The following GRIA3 variants were observed in gnomAD, a reference collection of about 807,000 sequenced individuals.
GRIA3 encodes glutamate receptor 3.
In GRIA3, 3 loss-of-function variants were observed where a neutral mutation model predicts 63.0. The ratio of observed to expected loss-of-function variants is 0.05; its 90% CI spans 0.02 to 0.12. The LOEUF is 0.12. Ranked by LOEUF, GRIA3 falls within the 10% of genes least tolerant of loss-of-function variation. The pLI is 1.00. For missense variants in GRIA3, 347 were observed against 700.9 expected (o/e 0.50, Z 5.70); for synonymous variants, 274 against 257.9 (o/e 1.06, Z -0.60).
intron 2 of GRIA3, among the ~76,000 whole-genome samples, chrX:123,229,803 G>C (rs1428288437): frequency 9.0e-6 from 1 of 111,485 alleles, no homozygotes; most frequent in African/African-American, 3.3e-5. Context: ...TTAACAGAAA[G>C]ATAATAGCTC....
At chrX:123,437,961 T>C (rs1279337878) in intron 12 of GRIA3, among the ~76,000 whole-genome samples, 1 of 112,189 alleles carries the variant, frequency 8.9e-6, no homozygotes, top group Non-Finnish European at 1.9e-5. Flanking sequence ...AATGGTTTTG[T>C]TATATCACAT....
intron 10 of GRIA3, among the ~76,000 whole-genome samples, chrX:123,413,788 T>TA (rs1488539745): frequency 9.0e-6 from 1 of 110,801 alleles, no homozygotes. Flanking sequence ...GACAGAACCT[T>TA]AAAGAACAAA....
intron 3 of GRIA3, among the ~76,000 whole-genome samples, chrX:123,313,608 A>G (rs921782437): frequency 1.9e-4 from 21 of 111,302 alleles, no homozygotes; most frequent in Non-Finnish European, 4.0e-4. Flanking sequence ...GAACTCAGAA[A>G]TGTTAAGAGG....
chrX:123,471,495 C>G (rs1253739777), intron 13 of GRIA3, among the ~76,000 whole-genome samples: 1 of 111,568 alleles, frequency 9.0e-6, no homozygotes, highest in Non-Finnish European at 1.9e-5. Flanking sequence ...ATGTCCAACA[C>G]CAGAGCTACA....
chrX:123,425,417 T>G (rs911537944), intron 11 of GRIA3, among the ~76,000 whole-genome samples: 4 of 112,072 alleles, frequency 3.6e-5, no homozygotes, highest in Admixed American at 1.9e-4. Context: ...ACACAAGAAG[T>G]GCTCAATAAG....
intron 2 of GRIA3, among the ~76,000 whole-genome samples, chrX:123,188,586 G>C (rs932142093): frequency 9.0e-6 from 1 of 111,021 alleles, no homozygotes; most frequent in Non-Finnish European, 1.9e-5. Context: ...TCCTTCTCTG[G>C]AGACCTAGGG....
intron 3 of GRIA3, among the ~76,000 whole-genome samples, chrX:123,276,841 A>C (rs750854201): frequency 1.8e-4 from 20 of 111,806 alleles, no homozygotes; most frequent in Non-Finnish European, 3.4e-4. Flanking sequence ...TATTAGAGAC[A>C]GTATGGTAAC....
At chrX:123,471,406 T>C (rs1433969089) in intron 13 of GRIA3, among the ~76,000 whole-genome samples, 1 of 112,565 alleles carries the variant, frequency 8.9e-6, no homozygotes, top group Non-Finnish European at 1.9e-5. Flanking sequence ...ACATGGTTTC[T>C]ATGATTAGGA....
At chrX:123,308,015 A>C (rs111683864) in intron 3 of GRIA3, among the ~76,000 whole-genome samples, 85 of 111,390 alleles carry the variant, frequency 7.6e-4, no homozygotes, top group African/African-American at 2.7e-3. Context: ...ATTTTTCAGC[A>C]TGTTAACAGC....
intron 4 of GRIA3, among the ~76,000 whole-genome samples, chrX:123,341,938 T>C (rs944191714): frequency 1.8e-5 from 2 of 111,871 alleles, no homozygotes; most frequent in Non-Finnish European, 3.8e-5. Flanking sequence ...CTGAAGTAGC[T>C]TCTTCATCCT....
At chrX:123,398,274 A>C in intron 6 of GRIA3, among the ~76,000 whole-genome samples, 1 of 111,916 alleles carries the variant, frequency 8.9e-6, no homozygotes, top group Non-Finnish European at 1.9e-5. Context: ...TTGCTTTAGG[A>C]TGTGCTGTTT....
At chrX:123,202,511 T>C (rs1405955236) in intron 2 of GRIA3, 1 of 633,568 alleles carries the variant, frequency 1.6e-6, no homozygotes, top group African/African-American at 2.2e-5. Context: ...GCTGCCACTG[T>C]GGCCTGGACA....
chrX:123,228,226 T>C (rs1321634483), intron 2 of GRIA3, among the ~76,000 whole-genome samples: 1 of 112,002 alleles, frequency 8.9e-6, no homozygotes, highest in East Asian at 2.8e-4. Flanking sequence ...TATGGGGCCA[T>C]TTCAGCTGTT....
chrX:123,455,373 C>T (rs903747560), intron 12 of GRIA3, among the ~76,000 whole-genome samples: 4 of 111,964 alleles, frequency 3.6e-5, no homozygotes, highest in Non-Finnish European at 7.5e-5. Context: ...GAAATGATAT[C>T]ATTTGTTGTG....
chrX:123,341,233 AG>A (rs2045006715), intron 4 of GRIA3, among the ~76,000 whole-genome samples: 2 of 112,149 alleles, frequency 1.8e-5, no homozygotes, highest in African/African-American at 6.5e-5. Context: ...GGTGGAATTA[AG>A]GGGAAACAAA....
chrX:123,463,766 AAG>A (rs199580025), intron 12 of GRIA3, among the ~76,000 whole-genome samples: 1 of 101,703 alleles, frequency 9.8e-6, no homozygotes, highest in African/African-American at 4.3e-5. Flanking sequence ...AGAAAGAAAG[AAG>A]AGAAAGAAAG....
chrX:123,300,572 A>G (rs1216838329), intron 3 of GRIA3, among the ~76,000 whole-genome samples: 3 of 107,273 alleles, frequency 2.8e-5, no homozygotes, highest in African/African-American at 1.0e-4. Context: ...CTATTTTATT[A>G]ATTTCTTTTC....
intron 4 of GRIA3, among the ~76,000 whole-genome samples, chrX:123,353,097 G>T (rs1418033421): frequency 9.3e-6 from 1 of 107,094 alleles, no homozygotes; most frequent in Admixed American, 1.0e-4. Flanking sequence ...TTGTTGAAAT[G>T]ACTTGAGGGC....
intron 3 of GRIA3, among the ~76,000 whole-genome samples, chrX:123,271,595 A>G (rs954940874): frequency 3.6e-5 from 4 of 111,991 alleles, no homozygotes; most frequent in African/African-American, 6.5e-5. Context: ...AGCTTCAGAG[A>G]AAGTTTTGGG....
Sources: allele counts gnomAD v4.1 joint callset (sites outside exome capture counted in the v4.1 genomes callset), GRCh38; gene constraint gnomAD v4.1.1; transcripts MANE v1.5; gene names NCBI Gene and HGNC (gene_info 2026-07-23, HGNC 2026-07-21).